Variants in MTUS2 observed in about 807,000 individuals in gnomAD.
MTUS2 encodes microtubule-associated tumor suppressor candidate 2.
A neutral mutation model predicts 114.1 loss-of-function variants in MTUS2; 40 were observed. The ratio of observed to expected loss-of-function variants is 0.35; its 90% confidence interval spans 0.27 to 0.46. The LOEUF (loss-of-function observed/expected upper bound fraction) is 0.46, where lower values mean the gene tolerates loss of function less well. Ranked by LOEUF, MTUS2 falls within the 20% of genes least tolerant of loss-of-function variation. The pLI is 1.00. For synonymous variants in MTUS2, 688 were observed against 672.0 expected (o/e 1.02, Z -0.37); for missense variants, 1,679 against 1,705.4 (o/e 0.98, Z 0.27).
intron 5 of MTUS2, among the ~76,000 whole-genome samples, chr13:29,224,311 A>G (rs912433186): frequency 1.3e-5 from 2 of 152,174 alleles, no homozygotes; most frequent in African/African-American, 4.8e-5. Flanking sequence ...CTTCTGTAAG[A>G]TGTAGTCCTG....
At chr13:29,423,826 G>A (rs1269233502) in intron 8 of MTUS2, among the ~76,000 whole-genome samples, 2 of 150,996 alleles carry the variant, frequency 1.3e-5, no homozygotes, top group African/African-American at 2.4e-5. Context: ...AAGTTCTAGT[G>A]TTGGATAGCA....
chr13:28,972,206 G>T (rs1219313066), intron 2 of MTUS2, among the ~76,000 whole-genome samples: 1 of 152,194 alleles, frequency 6.6e-6, no homozygotes, highest in African/African-American at 2.4e-5. Flanking sequence ...GAGGAGGGTG[G>T]CAGGGTCCAC....
chr13:29,085,249 CTT>C (rs1889639495), intron 4 of MTUS2, among the ~76,000 whole-genome samples: 1 of 152,122 alleles, frequency 6.6e-6, no homozygotes, highest in African/African-American at 2.4e-5. Context: ...AACCTCTTTT[CTT>C]TTTCTTTTAT....
intron 2 of MTUS2, among the ~76,000 whole-genome samples, chr13:28,941,170 G>A (rs1271357234): frequency 6.6e-6 from 1 of 151,810 alleles, no homozygotes; most frequent in African/African-American, 2.4e-5. Flanking sequence ...TTGGTCTTAG[G>A]TCCCCTATAC....
At chr13:29,454,759 CT>C (rs1258619082) in intron 9 of MTUS2, among the ~76,000 whole-genome samples, 1 of 152,240 alleles carries the variant, frequency 6.6e-6, no homozygotes, top group Non-Finnish European at 1.5e-5. Context: ...CGAGATACCC[CT>C]GAGGAGCTAT....
At chr13:29,428,971 TC>T in intron 8 of MTUS2, 1 of 1,438,600 alleles carries the variant, frequency 7.0e-7, no homozygotes, top group South Asian at 1.1e-5. Flanking sequence ...GCCAGCCACC[TC>T]GGTGCCTGTC....
chr13:28,924,939 T>C (rs1188397634), intron 2 of MTUS2, among the ~76,000 whole-genome samples: 1 of 151,906 alleles, frequency 6.6e-6, no homozygotes, highest in African/African-American at 2.4e-5. Flanking sequence ...CTTGGAAAGA[T>C]AAACCAGCAT....
chr13:29,138,568 AATAG>A (rs61302118), intron 5 of MTUS2, among the ~76,000 whole-genome samples: 59,777 of 149,990 alleles, frequency 0.4, 13,575 homozygotes, highest in Non-Finnish European at 0.47. Flanking sequence ...ATTAAAAATT[AATAG>A]ATGGATGACT....
chr13:29,202,466 A>G (rs1894998542), intron 5 of MTUS2, among the ~76,000 whole-genome samples: 1 of 152,046 alleles, frequency 6.6e-6, no homozygotes. Context: ...TCTTTAGCTC[A>G]TAGGACATTG....
Position 29,496,757 on chromosome 13 carries a change from T to G in MTUS2, c.3580-481T>G, listed in dbSNP as rs1437580952. On this transcript the variant is annotated intron_variant, in intron 12 of 15. Transcript: ENST00000612955. The surrounding 1 kb of genome is among the most constrained non-coding windows in gnomAD (Gnocchi z 4.3). ...TGGCAGGAGTTGATTATGGACTTGG[T>G]GATTAGAAGGTTTGTTGATGTGGGA... is the stretch of plus-strand genomic sequence containing the variant. Among the ~76,000 whole-genome samples, 1 of 151,698 alleles carries G rather than the reference T, an allele frequency of 6.6e-6. No individual in the cohort carries two copies. Among genetic ancestry groups the G allele is most frequent in the Admixed American group, 6.6e-5 (1 of 15,242 alleles).
chr13:29,465,168 ATCAACAGTGAATGCC>A (rs1879797232), intron 9 of MTUS2, among the ~76,000 whole-genome samples: 1 of 152,220 alleles, frequency 6.6e-6, no homozygotes, highest in South Asian at 2.1e-4. Context: ...CTGTGAAGCC[ATCAACAGTGAATGCC>A]TCAGCTAATA....
At chr13:29,095,743 A>C (rs1198333129) in intron 4 of MTUS2, among the ~76,000 whole-genome samples, 1 of 151,758 alleles carries the variant, frequency 6.6e-6, no homozygotes, top group Non-Finnish European at 1.5e-5. Context: ...TGCCACTGCA[A>C]ATCTGTTGTA....
intron 4 of MTUS2, among the ~76,000 whole-genome samples, chr13:29,043,680 C>G (rs571243312): frequency 6.9e-6 from 1 of 144,920 alleles, no homozygotes; most frequent in African/African-American, 2.5e-5. Context: ...TGGACTAGTC[C>G]TTTTATCATT....
At chr13:29,256,262 T>G (rs1265619029) in intron 5 of MTUS2, among the ~76,000 whole-genome samples, 4 of 152,202 alleles carry the variant, frequency 2.6e-5, no homozygotes, top group Non-Finnish European at 4.4e-5. Context: ...GTGCCCAGTG[T>G]GGGCTGTCTG....
intron 8 of MTUS2, among the ~76,000 whole-genome samples, chr13:29,383,803 G>A (rs897839433): frequency 6.6e-6 from 1 of 152,234 alleles, no homozygotes; most frequent in Non-Finnish European, 1.5e-5. Context: ...GGCACCTGGA[G>A]ATGCAGCATC....
At chr13:29,120,532 CATGTTT>C (rs1891265398) in intron 5 of MTUS2, among the ~76,000 whole-genome samples, 1 of 152,002 alleles carries the variant, frequency 6.6e-6, no homozygotes, top group Non-Finnish European at 1.5e-5. Context: ...GACTTTAAAA[CATGTTT>C]ATTTGCTTAT....
At chr13:29,386,569 A>G (rs1172269993) in intron 8 of MTUS2, among the ~76,000 whole-genome samples, 2 of 152,206 alleles carry the variant, frequency 1.3e-5, no homozygotes, top group African/African-American at 2.4e-5. Flanking sequence ...TGCCTCAAGG[A>G]GGAGGCCTGG....
intron 4 of MTUS2, among the ~76,000 whole-genome samples, chr13:29,035,568 A>G (rs1202030618): frequency 6.6e-6 from 1 of 152,194 alleles, no homozygotes; most frequent in Non-Finnish European, 1.5e-5. Flanking sequence ...AACTTTGGCA[A>G]TATGCCTTAT....
At chr13:28,846,523 G>A (rs906559261) in intron 2 of MTUS2, among the ~76,000 whole-genome samples, 3 of 79,430 alleles carry the variant, frequency 3.8e-5, no homozygotes, top group Non-Finnish European at 1.2e-4. Context: ...CTCTTTAGGA[G>A]AAATTATCAG....
Sources: gnomAD v4.1 joint callset for allele counts (sites outside exome capture counted in the v4.1 genomes callset) on GRCh38, gnomAD v4.1.1 for gene constraint, Gnocchi (gnomAD v3.1) non-coding constraint, MANE v1.5 for transcripts, NCBI Gene and HGNC (gene_info 2026-07-23, HGNC 2026-07-21) for gene names.